MAPRE2: variants seen among roughly 807,000 people sequenced by gnomAD.
MAPRE2 encodes microtubule-associated protein RP/EB family member 2.
Under a neutral mutation model 43.2 loss-of-function variants are expected in MAPRE2, and 13 were observed. The ratio of observed to expected loss-of-function variants is 0.30; its 90% CI spans 0.20 to 0.48. The LOEUF is 0.48. Among genes scored for constraint, MAPRE2 ranks in the 20% least tolerant of loss-of-function variants. The pLI is 0.99. For missense variants in MAPRE2, 161 were observed against 400.2 expected, an observed-to-expected ratio of 0.40 and a Z score of 5.10; for synonymous variants, 135 against 148.8, an observed-to-expected ratio of 0.91 and a Z score of 0.68.
intron 6 of MAPRE2, among the ~76,000 whole-genome samples, chr18:35,134,257 C>A (rs1013428061): frequency 6.6e-6 from 1 of 152,282 alleles, no homozygotes; most frequent in East Asian, 1.9e-4. Flanking sequence ...TCCATTTGAA[C>A]CCTGAAATCT....
intron 1 of MAPRE2, among the ~76,000 whole-genome samples, chr18:34,984,979 A>G (rs1429237524): frequency 3.9e-4 from 12 of 30,556 alleles, no homozygotes; most frequent in Non-Finnish European, 5.6e-4. Context: ...TAATATATAA[A>G]ATATATTATA....
intron 1 of MAPRE2, among the ~76,000 whole-genome samples, chr18:35,059,282 G>C (rs974515209): frequency 6.6e-6 from 1 of 151,854 alleles, no homozygotes; most frequent in Admixed American, 6.6e-5. Context: ...CAGCTAGGGA[G>C]CTTTTGGTAT....
chr18:35,058,603 C>T (rs1906361463), intron 1 of MAPRE2, among the ~76,000 whole-genome samples: 1 of 152,262 alleles, frequency 6.6e-6, no homozygotes, highest in East Asian at 1.9e-4. Context: ...TGTGATGACT[C>T]CTACGATATT....
chr18:35,019,042 A>G (rs2097040311), intron 2 of MAPRE2, among the ~76,000 whole-genome samples: 1 of 93,434 alleles, frequency 1.1e-5, no homozygotes, highest in African/African-American at 3.0e-5. Context: ...ATTTCAAAGA[A>G]TTTTTTTAGA....
intron 1 of MAPRE2, among the ~76,000 whole-genome samples, chr18:35,000,198 T>C (rs372250887): frequency 3.9e-5 from 6 of 152,154 alleles, no homozygotes; most frequent in African/African-American, 1.4e-4. Flanking sequence ...ACTCCCTAGA[T>C]GAAAACTTGG....
At position 35,140,480 on chromosome 18, in the gene MAPRE2, G is replaced by A. The variant is rs1022207578; in HGVS notation, c.*111G>A. On this transcript the variant is annotated 3_prime_UTR_variant, in exon 7 of 7. Coordinates refer to ENST00000300249, the MANE Select transcript of MAPRE2 (RefSeq NM_014268.4). ...AGAAACCAGTTGTTCCCAATCTGCC[G>A]TTACCATCAACGCACTGTTGCATAT... 9.3e-5 allele frequency: 99 copies of A among 1,062,358 alleles called. No individual in the cohort carries two copies. Among genetic ancestry groups the A allele is most frequent in the South Asian group, 1.3e-4 (9 of 66,832 alleles). 65.8% of individuals were successfully genotyped at this position (1,062,358 alleles called of 1,614,324 possible).
chr18:35,112,253 C>T (rs751467213), intron 4 of MAPRE2, among the ~76,000 whole-genome samples: 30 of 151,336 alleles, frequency 2.0e-4, no homozygotes, highest in Non-Finnish European at 3.8e-4. Flanking sequence ...GTGCAACCTC[C>T]GCCTCCTGGG....
At chr18:35,101,533 C>G (rs1439544023) in intron 3 of MAPRE2, among the ~76,000 whole-genome samples, 1 of 151,008 alleles carries the variant, frequency 6.6e-6, no homozygotes, top group Admixed American at 6.6e-5. Flanking sequence ...AATCACCATC[C>G]CCAACTCCCC....
intron 1 of MAPRE2, among the ~76,000 whole-genome samples, chr18:34,995,293 T>A (rs898758767): frequency 1.3e-5 from 2 of 152,288 alleles, no homozygotes; most frequent in East Asian, 3.9e-4. Flanking sequence ...TTTAGCTCAT[T>A]GTTTGCTAGT....
rs186664789 is a variant in MAPRE2, at chr18:35,013,885, A to G, written c.-8+8332A>G. On this transcript the variant is annotated intron_variant, in intron 2 of 7. Transcript: ENST00000413393. ...TTCTTTTTCATGGCATTGTGTGTAT[A>G]TACTACATTTTCTTTATTCATTCAT... Among the ~76,000 whole-genome samples the G allele has an allele frequency of 1.4e-4, 22 of 152,256 alleles. No homozygotes were observed. The East Asian group carries it at 3.9e-3, about 27-fold the overall frequency.
At chr18:35,086,316 G>A (rs1052726210) in intron 2 of MAPRE2, among the ~76,000 whole-genome samples, 2 of 151,470 alleles carry the variant, frequency 1.3e-5, no homozygotes, top group Admixed American at 1.3e-4. Context: ...ATATATATGG[G>A]CGATCAATAA....
intron 2 of MAPRE2, among the ~76,000 whole-genome samples, chr18:35,011,734 C>CA (rs901511063): frequency 2.3e-4 from 35 of 149,768 alleles, no homozygotes; most frequent in South Asian, 6.5e-4. Context: ...ATTTAGGTGG[C>CA]AAAAAAAAGG....
At chr18:34,995,788 G>A (rs183439725) in intron 1 of MAPRE2, among the ~76,000 whole-genome samples, 2 of 152,244 alleles carry the variant, frequency 1.3e-5, no homozygotes, top group Admixed American at 1.3e-4. Flanking sequence ...GTGAGTGAAT[G>A]GCTCCTTTAC....
chr18:35,113,419 A>G (rs1303676786), intron 4 of MAPRE2, among the ~76,000 whole-genome samples: 1 of 152,164 alleles, frequency 6.6e-6, no homozygotes, highest in Non-Finnish European at 1.5e-5. Flanking sequence ...TCAATTTGCA[A>G]TTTTTAATTA....
chr18:35,070,098 G>T (rs1907032637), intron 1 of MAPRE2, 97 bp from the exon 2 acceptor site: 7 of 992,680 alleles, frequency 7.1e-6, no homozygotes, highest in Non-Finnish European at 8.8e-6. Flanking sequence ...ACTTTTACAT[G>T]CCCTGGAGTC....
intron 1 of MAPRE2, among the ~76,000 whole-genome samples, chr18:35,001,923 A>G (rs745696225): frequency 6.6e-6 from 1 of 152,230 alleles, no homozygotes; most frequent in Non-Finnish European, 1.5e-5. Flanking sequence ...GAAATAATAT[A>G]GAGAGATCCC....
intron 1 of MAPRE2, among the ~76,000 whole-genome samples, chr18:35,069,743 A>T (rs1472169452): frequency 6.6e-6 from 1 of 152,158 alleles, no homozygotes; most frequent in Admixed American, 6.5e-5. Flanking sequence ...TTTAAATATT[A>T]AAAAAAGAAT....
chr18:35,009,179 A>T (rs760790920), intron 2 of MAPRE2, among the ~76,000 whole-genome samples: 2 of 152,138 alleles, frequency 1.3e-5, no homozygotes, highest in Non-Finnish European at 2.9e-5. Flanking sequence ...CAGTTACAGT[A>T]TAATGGGAGT....
In MAPRE2 at chr18:35,128,790, C is replaced by G. The variant is rs1020020359; in HGVS notation, c.750+1703C>G. ...TTGTGTTTCTTCATGACTCCTCCCT[C>G]TCTTCCCCGTCTGCCACACCCAGTG... On this transcript the variant is annotated intron_variant, in intron 5 of 6. Coordinates refer to ENST00000300249, the MANE Select transcript of MAPRE2 (RefSeq NM_014268.4). 7.9e-5 allele frequency among the ~76,000 whole-genome samples: 12 copies of G among 152,208 alleles called. No homozygotes were observed. In the South Asian group the frequency reaches 2.3e-3, roughly 29 times the overall value.
Sources: gnomAD v4.1 joint callset for allele counts (sites outside exome capture counted in the v4.1 genomes callset) on GRCh38, gnomAD v4.1.1 for gene constraint, MANE v1.5 for transcripts, NCBI Gene and HGNC (gene_info 2026-07-23, HGNC 2026-07-21) for gene names.